Variants in FARS2 observed in about 807,000 individuals in gnomAD.
FARS2 encodes the protein phenylalanyl-tRNA synthetase 2, mitochondrial.
FARS2 carries 40 observed loss-of-function variants against 46.4 expected under a neutral mutation model. The ratio of observed to expected loss-of-function variants is 0.86; its 90% CI spans 0.67 to 1.12. The LOEUF is 1.12. Ranked by LOEUF, FARS2 falls within the 50% of genes most tolerant of loss-of-function variation. FARS2 has a pLI of 0.00. For missense variants in FARS2, 513 were observed against 567.9 expected (o/e 0.90, Z 0.98); for synonymous variants, 234 against 214.9 (o/e 1.09, Z -0.78).
intron 4 of FARS2, among the ~76,000 whole-genome samples, chr6:5,477,143 G>A (rs1464877022): frequency 1.3e-5 from 2 of 152,176 alleles, no homozygotes; most frequent in African/African-American, 4.8e-5. Context: ...CCTGTTTTAT[G>A]TGCCTATCAT....
chr6:5,258,936 T>A (rs7748316), upstream of FARS2, among the ~76,000 whole-genome samples: 1,389 of 152,332 alleles, frequency 9.1e-3, 16 homozygotes, highest in African/African-American at 0.032. Flanking sequence ...AGTTGGCAAT[T>A]ACTCATTTGA....
intron 1 of FARS2, among the ~76,000 whole-genome samples, chr6:5,348,348 G>A (rs1260063923): frequency 1.8e-4 from 27 of 151,394 alleles, no homozygotes; most frequent in Non-Finnish European, 4.4e-5. Flanking sequence ...GTATGTGTGT[G>A]CTGTGAGATA....
rs1322974029 is a variant in FARS2 at position 5,545,218 on chromosome 6, GGATTA to G, written c.946_950del (p.Leu316LysfsTer11). 6.2e-7 allele frequency: 1 copy of G among 1,613,902 alleles called. No individual in the cohort carries two copies. The highest frequency in any genetic ancestry group is 1.3e-5 in the African/African-American group (1 of 74,908). ...CCGAATCGGCTGGGCTTTTGGCCTA[GGATTA>G]GAAAGGCTAGCCATGATCCTCTACG... On this transcript the variant is annotated frameshift_variant, in exon 5 of 7. Transcript: ENST00000274680. LOFTEE classifies it high-confidence loss of function.
At chr6:5,431,222 C>A in intron 4 of FARS2, 50 bp downstream of exon 4, 3 of 1,593,914 alleles carry the variant, frequency 1.9e-6, no homozygotes, top group South Asian at 1.1e-5. Context: ...AGGAACCCTC[C>A]CTTCTCAGGC....
intron 5 of FARS2, among the ~76,000 whole-genome samples, chr6:5,600,889 C>G (rs552501726): frequency 6.6e-6 from 1 of 152,276 alleles, no homozygotes; most frequent in African/African-American, 2.4e-5. Context: ...GTGTCCCTCC[C>G]AAATTCGTAC....
chr6:5,545,140 G>A lies in FARS2; in HGVS notation c.905-40G>A, dbSNP rs138950796. On this transcript the variant is annotated intron_variant, in intron 4 of 6. Coordinates refer to ENST00000274680, the MANE Select transcript of FARS2 (RefSeq NM_006567.5). ...GAGTGGTATGAACCTATCCAATCTC[G>A]ATACTTTTTAAAAACAACTATTTTG... 789 of 1,605,474 alleles carry A rather than the reference G, an allele frequency of 4.9e-4. No individual in the cohort carries two copies. The African/African-American group carries it at 9.1e-3, about 19-fold the overall frequency.
At chr6:5,770,856 G>A (rs1174613449) in intron 6 of FARS2, among the ~76,000 whole-genome samples, 1 of 152,186 alleles carries the variant, frequency 6.6e-6, no homozygotes, top group Admixed American at 6.5e-5. Flanking sequence ...TGATACTTCA[G>A]TTTGCCTCAC....
intron 4 of FARS2, among the ~76,000 whole-genome samples, chr6:5,531,381 G>A (rs776254310): frequency 2.6e-5 from 4 of 152,340 alleles, no homozygotes; most frequent in Admixed American, 6.5e-5. Flanking sequence ...TCATTAGCAC[G>A]TGCTTCAGAC....
the FARS2 span, among the ~76,000 whole-genome samples, chr6:5,252,834 C>T: frequency 8.4e-3 from 1,279 of 152,222 alleles, 13 homozygotes; most frequent in African/African-American, 0.029. Flanking sequence ...ATGAGAGGAA[C>T]ACCGAGACTC....
At chr6:5,453,324 C>T (rs993119440) in intron 4 of FARS2, among the ~76,000 whole-genome samples, 1 of 151,942 alleles carries the variant, frequency 6.6e-6, no homozygotes, top group Non-Finnish European at 1.5e-5. Context: ...TCTCAGTTGC[C>T]ACAAAAAAGC....
At chr6:5,378,214 G>A (rs148976486) in intron 2 of FARS2, among the ~76,000 whole-genome samples, 91 of 152,088 alleles carry the variant, frequency 6.0e-4, no homozygotes, top group Middle Eastern at 3.4e-3. Flanking sequence ...TTTTAGGAGC[G>A]TAGAAGGATG....
At chr6:5,260,414 A>G (rs1332870221), upstream of FARS2, among the ~76,000 whole-genome samples, 3 of 152,232 alleles carry the variant, frequency 2.0e-5, no homozygotes, top group Admixed American at 6.5e-5. Context: ...TAGGGGGAAA[A>G]CGTCACAAGA....
At chr6:5,384,035 A>G (rs1386344024) in intron 2 of FARS2, among the ~76,000 whole-genome samples, 2 of 152,180 alleles carry the variant, frequency 1.3e-5, no homozygotes, top group East Asian at 3.9e-4. Flanking sequence ...GAATGGGTGA[A>G]GTTTTCTCCT....
chr6:5,462,174 T>G (rs1765280434), intron 4 of FARS2, among the ~76,000 whole-genome samples: 1 of 152,230 alleles, frequency 6.6e-6, no homozygotes, highest in Admixed American at 6.5e-5. Context: ...TCTTTTCATA[T>G]GCTTAGTAGC....
chr6:5,664,133 A>G (rs140776834), intron 6 of FARS2, among the ~76,000 whole-genome samples: 98 of 152,358 alleles, frequency 6.4e-4, no homozygotes, highest in African/African-American at 2.3e-3. Context: ...AAACTTTTTC[A>G]TTTTAGAAAC....
intron 3 of FARS2, among the ~76,000 whole-genome samples, chr6:5,419,984 C>T (rs1039059390): frequency 2.6e-5 from 4 of 152,172 alleles, no homozygotes; most frequent in African/African-American, 4.8e-5. Context: ...ATACCCGAGA[C>T]TGGAAAGAAA....
chr6:5,350,486 A>G (rs1296826374), intron 1 of FARS2, among the ~76,000 whole-genome samples: 1 of 152,230 alleles, frequency 6.6e-6, no homozygotes, highest in Non-Finnish European at 1.5e-5. Flanking sequence ...AGACACAGAG[A>G]TCAGTGGAAC....
At chr6:5,501,502 T>A (rs1472210309) in intron 4 of FARS2, among the ~76,000 whole-genome samples, 3 of 152,074 alleles carry the variant, frequency 2.0e-5, no homozygotes, top group Admixed American at 2.0e-4. Flanking sequence ...TTTTTATTTA[T>A]TTATTTATTT....
At chr6:5,494,080 G>A (rs182087796) in intron 4 of FARS2, among the ~76,000 whole-genome samples, 25 of 149,156 alleles carry the variant, frequency 1.7e-4, no homozygotes, top group Admixed American at 4.0e-4. Flanking sequence ...TACTCCTTAC[G>A]TTGTTTTTCT....
Sources: gnomAD v4.1 joint callset for allele counts (sites outside exome capture counted in the v4.1 genomes callset) on GRCh38, gnomAD v4.1.1 for gene constraint, MANE v1.5 for transcripts, NCBI Gene and HGNC (gene_info 2026-07-23, HGNC 2026-07-21) for gene names.